Variants in IDE observed in about 807,000 individuals in gnomAD.
IDE encodes insulin-degrading enzyme.
Under a neutral mutation model 133.2 loss-of-function variants are expected in IDE, and 58 were observed. That is an observed-to-expected ratio of 0.44 (90% CI 0.35 to 0.54). The LOEUF (loss-of-function observed/expected upper bound fraction) is 0.54, where lower values mean the gene tolerates loss of function less well. Among genes scored for constraint, IDE ranks in the 20% least tolerant of loss-of-function variants. The pLI is 0.00. For synonymous variants in IDE, 396 were observed against 421.3 expected (o/e 0.94, Z 0.73); for missense variants, 981 against 1,234.0 (o/e 0.79, Z 3.07).
In IDE at chr10:92,510,118, C is replaced by T; in HGVS notation, c.829G>A (p.Glu277Lys). 2 of 1,604,378 alleles carry T rather than the reference C, an allele frequency of 1.2e-6. No homozygotes were observed. Among genetic ancestry groups the T allele is most frequent in the Non-Finnish European group, 1.7e-6 (2 of 1,172,618 alleles). Residue 277 changes from glutamate to lysine, a missense_variant, in exon 6 of 25, where the codon GAA (glutamate) becomes AAA (lysine). Physicochemically the swap from Glu to Lys is moderately conservative, Grantham distance 56. This residue lies in a region of IDE where 321 missense variants were observed against 339.3 expected (regional missense o/e 0.95). Coordinates refer to ENST00000265986, the MANE Select transcript of IDE (RefSeq NM_004969.4). ...LTNLVVKLFSEVENKNVPLPE... is the reference protein window; with the variant it reads ...LTNLVVKLFSKVENKNVPLPE... ...AATGGAACATTTTTGTTCTCTACTT[C>T]AGAAAATAACTTTACCACCAGATTA... is the stretch of plus-strand genomic sequence containing the variant.
At chr10:92,537,634 C>T (rs1269339308) in intron 1 of IDE, 84 bp from the exon 2 acceptor site, 1 of 969,568 alleles carries the variant, frequency 1.0e-6, no homozygotes, top group Non-Finnish European at 1.5e-6. Context: ...CCATATAATA[C>T]ATCATCAGAT....
intron 1 of IDE, among the ~76,000 whole-genome samples, chr10:92,563,682 G>C (rs1488137105): frequency 6.6e-6 from 1 of 152,004 alleles, no homozygotes; most frequent in Non-Finnish European, 1.5e-5. Flanking sequence ...CCTGGGGCAG[G>C]GGGCAGAGGT....
At chr10:92,559,898 C>T (rs1031460163) in intron 1 of IDE, among the ~76,000 whole-genome samples, 8 of 151,886 alleles carry the variant, frequency 5.3e-5, no homozygotes, top group Non-Finnish European at 7.4e-5. Flanking sequence ...CCTCCACACT[C>T]GGCTAATTTT....
rs143168974 is a variant in IDE, at chr10:92,527,296, G to C, written c.661+4452C>G. Among the ~76,000 whole-genome samples the C allele has an allele frequency of 3.3e-3, 498 of 152,070 alleles. 1 individual carries two copies. The highest frequency in any genetic ancestry group is 4.6e-3 in the Non-Finnish European group (310 of 67,976). On this transcript the variant is annotated intron_variant, in intron 4 of 24. Coordinates refer to ENST00000265986, the MANE Select transcript of IDE (RefSeq NM_004969.4). ...TGGATGTTTCCAGGGCCTATAATCTGTTCTACTTGTATCTTCATGCACCCC... is the reference window on the plus strand; with the variant it reads ...TGGATGTTTCCAGGGCCTATAATCTCTTCTACTTGTATCTTCATGCACCCC...
At chr10:92,564,055 A>G (rs1843406001) in intron 1 of IDE, among the ~76,000 whole-genome samples, 1 of 151,770 alleles carries the variant, frequency 6.6e-6, no homozygotes, top group South Asian at 2.1e-4. Context: ...GATTCACACT[A>G]GGACCCAGAT....
At chr10:92,556,178 T>C (rs1330911698) in intron 1 of IDE, among the ~76,000 whole-genome samples, 1 of 4,840 alleles carries the variant, frequency 2.1e-4, no homozygotes, top group Non-Finnish European at 3.7e-4. Context: ...AGACTCCGTC[T>C]CAAAAAAAAA....
chr10:92,554,545 T>TAA (rs11418454), intron 1 of IDE, among the ~76,000 whole-genome samples: 9,816 of 137,558 alleles, frequency 0.071, 459 homozygotes, highest in Non-Finnish European at 0.097. Context: ...AACAGTGTCT[T>TAA]AAAAAAAAAA....
chr10:92,519,934 G>A (rs1030911896), intron 4 of IDE, among the ~76,000 whole-genome samples: 38 of 152,032 alleles, frequency 2.5e-4, no homozygotes, highest in African/African-American at 8.2e-4. Flanking sequence ...GCAAAACCCC[G>A]TCCTACTAAA....
intron 11 of IDE, among the ~76,000 whole-genome samples, chr10:92,501,330 C>G (rs1460057243): frequency 7.4e-6 from 1 of 135,138 alleles, no homozygotes; most frequent in Non-Finnish European, 1.5e-5. Flanking sequence ...CTAGTGCACT[C>G]CAGCCCGGGC....
At chr10:92,534,050 A>G (rs1047680992) in intron 3 of IDE, among the ~76,000 whole-genome samples, 1 of 152,170 alleles carries the variant, frequency 6.6e-6, no homozygotes, top group Non-Finnish European at 1.5e-5. Context: ...TGACCAAGAA[A>G]TTAAATCATC....
At chr10:92,554,049 A>G (rs1842905209) in intron 1 of IDE, among the ~76,000 whole-genome samples, 1 of 152,212 alleles carries the variant, frequency 6.6e-6, no homozygotes, top group Non-Finnish European at 1.5e-5. Flanking sequence ...GGCCAATATC[A>G]CTGATGAATA....
intron 2 of IDE, among the ~76,000 whole-genome samples, chr10:92,535,799 G>C (rs1841965286): frequency 6.6e-6 from 1 of 152,216 alleles, no homozygotes; most frequent in African/African-American, 2.4e-5. Flanking sequence ...ACTTTGGGAG[G>C]ACGAGGTGGG....
intron 1 of IDE, among the ~76,000 whole-genome samples, chr10:92,550,125 G>A (rs117614265): frequency 0.021 from 3,179 of 152,076 alleles, 51 homozygotes; most frequent in Admixed American, 0.052. Context: ...CTGAGATCAC[G>A]CCATTGCACG....
At chr10:92,548,476 T>C (rs1435536150) in intron 1 of IDE, among the ~76,000 whole-genome samples, 2 of 150,666 alleles carry the variant, frequency 1.3e-5, no homozygotes, top group Non-Finnish European at 2.9e-5. Context: ...ACAGAGTTTC[T>C]CCTGTAAAAT....
chr10:92,541,601 C>G (rs1842309577), intron 1 of IDE, among the ~76,000 whole-genome samples: 1 of 152,166 alleles, frequency 6.6e-6, no homozygotes. Context: ...GGGACATTGT[C>G]ATACACTGGA....
intron 20 of IDE, among the ~76,000 whole-genome samples, chr10:92,465,371 T>A (rs1353100694): frequency 6.6e-6 from 1 of 152,252 alleles, no homozygotes; most frequent in African/African-American, 2.4e-5. Flanking sequence ...CTCCTCTGGA[T>A]GGCTCATTTC....
intron 21 of IDE, among the ~76,000 whole-genome samples, chr10:92,461,535 C>T (rs1589362151): frequency 6.6e-6 from 1 of 151,340 alleles, no homozygotes; most frequent in Admixed American, 6.6e-5. Context: ...TTTATATTTT[C>T]AGCAGAGATG....
intron 1 of IDE, among the ~76,000 whole-genome samples, chr10:92,563,383 C>T (rs913480879): frequency 2.9e-4 from 44 of 150,698 alleles, no homozygotes; most frequent in Non-Finnish European, 1.0e-4. Context: ...ATCTGGGATG[C>T]GGAGTTTGCA....
At chr10:92,475,763 C>T in intron 16 of IDE, 121 bp downstream of exon 16, 1 of 524,740 alleles carries the variant, frequency 1.9e-6, no homozygotes, top group Non-Finnish European at 3.3e-6. Context: ...ATGAATGCCA[C>T]AGGGTTATGA....
Sources: gnomAD v4.1 joint callset for allele counts (sites outside exome capture counted in the v4.1 genomes callset) on GRCh38, gnomAD v4.1.1 for gene constraint, gnomAD v4.1.1 regional missense constraint, MANE v1.5 for transcripts, NCBI Gene and HGNC (gene_info 2026-07-23, HGNC 2026-07-21) for gene names.